The following TMPRSS11A variants were observed in gnomAD, a reference collection of about 807,000 sequenced individuals.
TMPRSS11A encodes the protein transmembrane protease serine 11A.
TMPRSS11A carries 53 observed loss-of-function variants against 58.9 expected under a neutral mutation model. The observed-to-expected ratio is 0.90, with a 90% confidence interval of 0.72 to 1.13. TMPRSS11A has a LOEUF of 1.13. Among genes scored for constraint, TMPRSS11A ranks in the 50% most tolerant of loss-of-function variants. TMPRSS11A has a pLI of 0.00. For missense variants in TMPRSS11A, 493 were observed against 499.3 expected, an observed-to-expected ratio of 0.99 and a Z score of 0.12; for synonymous variants, 167 against 169.8, an observed-to-expected ratio of 0.98 and a Z score of 0.13.
intron 3 of TMPRSS11A, among the ~76,000 whole-genome samples, chr4:67,941,968 C>T (rs1720892136): frequency 1.3e-5 from 2 of 152,090 alleles, no homozygotes; most frequent in Admixed American, 6.6e-5. Context: ...GTGTCCACAA[C>T]CAACACACTA....
chr4:67,940,514 T>C (rs1720854687), intron 3 of TMPRSS11A, among the ~76,000 whole-genome samples: 1 of 152,270 alleles, frequency 6.6e-6, no homozygotes, highest in East Asian at 1.9e-4. Flanking sequence ...CTAGATTTTC[T>C]AGTTTATCTA....
intron 8 of TMPRSS11A, among the ~76,000 whole-genome samples, chr4:67,917,956 A>T (rs574480066): frequency 6.6e-6 from 1 of 152,214 alleles, no homozygotes; most frequent in Non-Finnish European, 1.5e-5. Context: ...AAAGAAAGCA[A>T]TGCATGTCTC....
At chr4:67,955,341 T>C (rs138751442) in intron 1 of TMPRSS11A, among the ~76,000 whole-genome samples, 1 of 152,228 alleles carries the variant, frequency 6.6e-6, no homozygotes, top group Non-Finnish European at 1.5e-5. Context: ...TTATGCAGTA[T>C]TCGTGTGTGT....
Position 67,910,923 on chromosome 4 carries a change from A to G in TMPRSS11A, c.*419T>C, listed in dbSNP as rs1322784785. Reference sequence around the variant, plus strand: ...TGAATAAGGAAAAAGAAAAAAAAGTATTTGTGAGCTCGAGAGAAATGTAGG... The same window carrying G: ...TGAATAAGGAAAAAGAAAAAAAAGTGTTTGTGAGCTCGAGAGAAATGTAGG... On this transcript the variant is annotated 3_prime_UTR_variant, in exon 10 of 10. Coordinates refer to ENST00000508048, the MANE Select transcript of TMPRSS11A (RefSeq NM_001114387.2). The G allele has an allele frequency of 6.5e-6, 1 of 153,108 alleles. No individual in the cohort carries two copies. The highest frequency in any genetic ancestry group is 1.5e-5 in the Non-Finnish European group (1 of 68,694). The allele number at this position is 153,108 out of a possible 1,614,324, so 9.5% of individuals were successfully genotyped here.
intron 5 of TMPRSS11A, among the ~76,000 whole-genome samples, chr4:67,925,849 G>C (rs1481254147): frequency 1.3e-5 from 2 of 152,212 alleles, no homozygotes; most frequent in Non-Finnish European, 2.9e-5. Flanking sequence ...ACCAGGATAA[G>C]TATAATGGTC....
chr4:67,958,650 T>C (rs1292446449), intron 1 of TMPRSS11A, among the ~76,000 whole-genome samples: 1 of 152,180 alleles, frequency 6.6e-6, no homozygotes, highest in Non-Finnish European at 1.5e-5. Context: ...CTGTGGACTT[T>C]AGAGTTAGTG....
Position 67,930,808 on chromosome 4 carries a change from C to CTTTTTT in TMPRSS11A, c.321-774_321-769dup, listed in dbSNP as rs67302217. 3.4e-3 allele frequency among the ~76,000 whole-genome samples: 174 copies of CTTTTTT among 51,118 alleles called. 8 individuals carry two copies. Among genetic ancestry groups the CTTTTTT allele is most frequent in the Middle Eastern group, 0.018 (1 of 56 alleles). 33.5% of individuals were successfully genotyped at this position (51,118 alleles called of 152,430 possible). A position where few individuals can be genotyped will look rare whatever the true frequency, so the allele number is the denominator to read the frequency against. On this transcript the variant is annotated intron_variant, in intron 4 of 9. Coordinates refer to ENST00000508048, the MANE Select transcript of TMPRSS11A (RefSeq NM_001114387.2). ...AATATATATTGATCTGTTATCTCTC[C>CTTTTTT]TTTTTTTTTTTTTTTTTTTTTACAA...
intron 5 of TMPRSS11A, among the ~76,000 whole-genome samples, chr4:67,927,513 C>T (rs545952348): frequency 1.7e-4 from 26 of 152,354 alleles, no homozygotes; most frequent in African/African-American, 6.0e-4. Flanking sequence ...ACCCTGTGCT[C>T]GCTCAGACAA....
chr4:67,910,761 A>T lies in TMPRSS11A; in HGVS notation c.*581T>A, dbSNP rs982987964. 1 of 152,060 alleles carries T rather than the reference A, an allele frequency of 6.6e-6. No homozygotes were observed. The highest frequency in any genetic ancestry group is 1.5e-5 in the Non-Finnish European group (1 of 67,942). 9.4% of individuals were successfully genotyped at this position (152,060 alleles called of 1,614,324 possible). A position where few individuals can be genotyped will look rare whatever the true frequency, so the allele number is the denominator to read the frequency against. Reference sequence around the variant, plus strand: ...AATTAGAGGTTTTATAACTAAAAAAAGTTAGAAGATCTCTGGCTTGTTTTA... The same window carrying T: ...AATTAGAGGTTTTATAACTAAAAAATGTTAGAAGATCTCTGGCTTGTTTTA... On this transcript the variant is annotated 3_prime_UTR_variant, in exon 10 of 10. Transcript: ENST00000508048.
intron 1 of TMPRSS11A, among the ~76,000 whole-genome samples, chr4:67,955,793 A>T (rs1721275876): frequency 6.6e-6 from 1 of 152,172 alleles, no homozygotes; most frequent in Admixed American, 6.6e-5. Context: ...AATTCATGGT[A>T]CAATCTTTAG....
rs1237802513 is a variant in TMPRSS11A at position 67,911,309 on chromosome 4, A to G, written c.*33T>C. 2 of 1,608,780 alleles carry G rather than the reference A, an allele frequency of 1.2e-6. No homozygotes were observed. The highest frequency in any genetic ancestry group is 1.7e-6 in the Non-Finnish European group (2 of 1,176,224). ...GAATTCTCATGCATATATGACCTGC[A>G]TACAGCTTTCTTTGTTTAACTTTTA... On this transcript the variant is annotated 3_prime_UTR_variant, in exon 10 of 10. Transcript: ENST00000508048.
At chr4:67,920,603 A>G (rs1257017053) in intron 7 of TMPRSS11A, among the ~76,000 whole-genome samples, 1 of 149,022 alleles carries the variant, frequency 6.7e-6, no homozygotes, top group Non-Finnish European at 1.5e-5. Context: ...ACACATATAT[A>G]TGTATGCATA....
chr4:67,937,020 A>C (rs1720770090), intron 3 of TMPRSS11A, among the ~76,000 whole-genome samples: 1 of 152,134 alleles, frequency 6.6e-6, no homozygotes. Context: ...TAAATCTCTA[A>C]ATTGGATTAG....
chr4:67,936,018 T>C (rs1280826328), intron 3 of TMPRSS11A, among the ~76,000 whole-genome samples: 1 of 152,120 alleles, frequency 6.6e-6, no homozygotes. Context: ...AGTACTATGA[T>C]TATTCACGTT....
intron 7 of TMPRSS11A, among the ~76,000 whole-genome samples, chr4:67,920,962 A>G (rs1720309442): frequency 6.6e-6 from 1 of 152,214 alleles, no homozygotes; most frequent in Non-Finnish European, 1.5e-5. Context: ...TAAAGCTCAC[A>G]GTAATGATAT....
chr4:67,931,831 G>A (rs1168004035), intron 4 of TMPRSS11A, among the ~76,000 whole-genome samples, 162 bp downstream of exon 4: 2 of 152,068 alleles, frequency 1.3e-5, no homozygotes, highest in East Asian at 1.9e-4. Context: ...TTGACAAAAC[G>A]GTGGTCAGCC....
intron 3 of TMPRSS11A, among the ~76,000 whole-genome samples, chr4:67,943,249 C>T (rs168482): frequency 0.75 from 114,307 of 152,064 alleles, 43,306 homozygotes; most frequent in East Asian, 0.83. Flanking sequence ...TCTCACTTCT[C>T]TTAAGACCTA....
chr4:67,930,829 T>TTTATA (rs1265700805), intron 4 of TMPRSS11A, among the ~76,000 whole-genome samples: 1 of 90,156 alleles, frequency 1.1e-5, no homozygotes, highest in African/African-American at 4.7e-5. Flanking sequence ...TTTTTTTTTT[T>TTTATA]ACAAAAAAAA....
intron 5 of TMPRSS11A, among the ~76,000 whole-genome samples, chr4:67,924,396 G>A (rs1720412366): frequency 6.6e-6 from 1 of 152,160 alleles, no homozygotes; most frequent in Non-Finnish European, 1.5e-5. Context: ...GGTGAGTAAG[G>A]CACAAATAGT....
Sources: gnomAD v4.1 joint callset for allele counts (sites outside exome capture counted in the v4.1 genomes callset) on GRCh38, gnomAD v4.1.1 for gene constraint, MANE v1.5 for transcripts, NCBI Gene and HGNC (gene_info 2026-07-23, HGNC 2026-07-21) for gene names.